Variants in ZGPAT observed in about 807,000 individuals in gnomAD.
The protein encoded by ZGPAT is zinc finger CCCH-type with G patch domain-containing protein.
In ZGPAT, 39 loss-of-function variants were observed where a neutral mutation model predicts 47.9. The ratio of observed to expected loss-of-function variants is 0.81; its 90% CI spans 0.63 to 1.06. The LOEUF is 1.06. Ranked by LOEUF, ZGPAT falls within the 50% of genes least tolerant of loss-of-function variation. The probability of loss-of-function intolerance (pLI) is 0.00; values close to 1 mark genes in which losing one functional copy is unlikely to be tolerated. For synonymous variants in ZGPAT, 348 were observed against 292.9 expected (o/e 1.19, Z -1.92); for missense variants, 717 against 681.4 (o/e 1.05, Z -0.58).
intron 1 of ZGPAT, chr20:63,708,331 T>C: frequency 3.3e-6 from 1 of 303,276 alleles, no homozygotes; most frequent in Non-Finnish European, 6.1e-6. Context: ...GGGAAGGGGC[T>C]CCGGAGTGAC....
intron 2 of ZGPAT, among the ~76,000 whole-genome samples, chr20:63,715,294 G>A (rs1601321294): frequency 6.8e-6 from 1 of 148,090 alleles, no homozygotes; most frequent in South Asian, 2.2e-4. Flanking sequence ...GGGCTGGAGT[G>A]AGTGGCGCGA....
chr20:63,732,963 A>C (rs1568800794), intron 2 of ZGPAT, among the ~76,000 whole-genome samples: 2 of 141,270 alleles, frequency 1.4e-5, no homozygotes, highest in Non-Finnish European at 3.1e-5. Context: ...TGTATGTGTG[A>C]GTGTATGTGT....
intron 2 of ZGPAT, among the ~76,000 whole-genome samples, chr20:63,715,358 G>A (rs897424599): frequency 6.6e-6 from 1 of 151,010 alleles, no homozygotes; most frequent in African/African-American, 2.4e-5. Context: ...TCCTGCCTCA[G>A]CCTCCTGAGT....
At chr20:63,718,287 G>A (rs1242753070) in intron 2 of ZGPAT, among the ~76,000 whole-genome samples, 1 of 151,654 alleles carries the variant, frequency 6.6e-6, no homozygotes, top group Non-Finnish European at 1.5e-5. Context: ...ATTCAAGAGT[G>A]TCTTTATTTC....
At chr20:63,735,097 C>A in intron 5 of ZGPAT, 62 bp from the exon 6 acceptor site, 1 of 1,465,894 alleles carries the variant, frequency 6.8e-7, no homozygotes, top group Non-Finnish European at 9.0e-7. Flanking sequence ...ACTGCCATCC[C>A]CGTGCTCCTC....
At position 63,734,699 on chromosome 20, in the gene ZGPAT, T is replaced by C; in HGVS notation, c.872-6T>C. The C allele has an allele frequency of 6.2e-7, 1 of 1,613,658 alleles. No homozygotes were observed. On this transcript the variant is annotated splice_polypyrimidine_tract_variant and splice_region_variant and intron_variant, in intron 4 of 6. Coordinates refer to ENST00000355969, the MANE Select transcript of ZGPAT (RefSeq NM_181485.3). ...CAGTCCTCTGCCCTCTGTCCGTCTC[T>C]TGCAGTGGTGGGGTCAGATGCTGTG...
chr20:63,716,911 A>T (rs1305418739), intron 2 of ZGPAT, among the ~76,000 whole-genome samples: 2 of 152,104 alleles, frequency 1.3e-5, no homozygotes, highest in African/African-American at 4.8e-5. Context: ...TGGACTCCCT[A>T]CCTGAGGTGA....
intron 2 of ZGPAT, among the ~76,000 whole-genome samples, chr20:63,723,332 A>G (rs1380143209): frequency 4.8e-5 from 2 of 41,900 alleles, no homozygotes; most frequent in East Asian, 7.7e-4. Context: ...CCCTTCTCCT[A>G]TGACACAGCT....
chr20:63,720,289 GGGACTAT>G (rs2091774444), intron 2 of ZGPAT, among the ~76,000 whole-genome samples: 5 of 151,898 alleles, frequency 3.3e-5, no homozygotes, highest in African/African-American at 4.8e-5. Flanking sequence ...CTGAGTAGCT[GGGACTAT>G]AGGTGCGTGC....
At chr20:63,728,003 C>T (rs1213725209) in intron 2 of ZGPAT, among the ~76,000 whole-genome samples, 4 of 151,382 alleles carry the variant, frequency 2.6e-5, no homozygotes, top group Non-Finnish European at 5.9e-5. Context: ...CCCACCCCTG[C>T]AGCCTCTGAT....
intron 2 of ZGPAT, among the ~76,000 whole-genome samples, chr20:63,720,773 G>A (rs568105396): frequency 4.6e-5 from 7 of 152,224 alleles, no homozygotes; most frequent in East Asian, 3.9e-4. Flanking sequence ...CTTTATTTCC[G>A]GTGAATGGGC....
intron 2 of ZGPAT, among the ~76,000 whole-genome samples, chr20:63,712,916 G>C (rs114431024): frequency 9.9e-5 from 15 of 151,462 alleles, no homozygotes; most frequent in Admixed American, 6.6e-4. Flanking sequence ...AATAACAGAA[G>C]AAAAAAACAG....
intron 2 of ZGPAT, among the ~76,000 whole-genome samples, chr20:63,720,315 C>G (rs1002956187): frequency 1.4e-4 from 21 of 151,996 alleles, no homozygotes; most frequent in African/African-American, 5.1e-4. Flanking sequence ...GCCACCACTC[C>G]TGGCTAATTT....
chr20:63,731,705 T>G (rs1250182032), intron 2 of ZGPAT, among the ~76,000 whole-genome samples: 1 of 139,346 alleles, frequency 7.2e-6, no homozygotes, highest in African/African-American at 2.8e-5. Context: ...AGTTGGCCCT[T>G]TGTGTGTGTG....
chr20:63,731,084 C>T (rs2091896706), intron 2 of ZGPAT, among the ~76,000 whole-genome samples: 2 of 151,956 alleles, frequency 1.3e-5, no homozygotes, highest in African/African-American at 4.8e-5. Flanking sequence ...TGGGGGAGGA[C>T]TCAGTCATGC....
At chr20:63,714,899 C>T (rs1018409226) in intron 2 of ZGPAT, among the ~76,000 whole-genome samples, 1 of 152,098 alleles carries the variant, frequency 6.6e-6, no homozygotes, top group Non-Finnish European at 1.5e-5. Flanking sequence ...CCTCAGCCTC[C>T]CAAAGTGCTG....
intron 3 of ZGPAT, 23 bp from the exon 4 acceptor site, chr20:63,733,564 C>G: frequency 6.2e-7 from 1 of 1,614,108 alleles, no homozygotes; most frequent in Non-Finnish European, 8.5e-7. Flanking sequence ...GGATTCTGAC[C>G]TGCAGCTTGT....
intron 2 of ZGPAT, among the ~76,000 whole-genome samples, chr20:63,725,660 T>C (rs1253626150): frequency 6.6e-6 from 1 of 152,044 alleles, no homozygotes; most frequent in East Asian, 1.9e-4. Context: ...TTTTACCAAA[T>C]TTGGAGAGTT....
At chr20:63,720,602 C>T (rs2091777743) in intron 2 of ZGPAT, among the ~76,000 whole-genome samples, 1 of 152,114 alleles carries the variant, frequency 6.6e-6, no homozygotes, top group Non-Finnish European at 1.5e-5. Context: ...CAAGCATGTG[C>T]CACCATGCCT....
Sources: allele counts gnomAD v4.1 joint callset (sites outside exome capture counted in the v4.1 genomes callset), GRCh38; gene constraint gnomAD v4.1.1; transcripts MANE v1.5; gene names NCBI Gene and HGNC (gene_info 2026-07-23, HGNC 2026-07-21).